SEMA3A: variants seen among roughly 807,000 people sequenced by gnomAD.
SEMA3A encodes the protein semaphorin-3A.
In SEMA3A, 29 loss-of-function variants were observed where a neutral mutation model predicts 97.9. The ratio of observed to expected loss-of-function variants is 0.30; its 90% CI spans 0.22 to 0.40. SEMA3A has a LOEUF of 0.40. Ranked by LOEUF, SEMA3A falls within the 10% of genes least tolerant of loss-of-function variation. The pLI is 1.00. For synonymous variants in SEMA3A, 321 were observed against 323.7 expected (o/e 0.99, Z 0.09); for missense variants, 763 against 951.3 (o/e 0.80, Z 2.60).
intron 2 of SEMA3A, among the ~76,000 whole-genome samples, chr7:84,364,948 A>G (rs539862001): frequency 6.6e-6 from 1 of 151,672 alleles, no homozygotes; most frequent in Non-Finnish European, 1.5e-5. Flanking sequence ...AAATAAAGGT[A>G]CAATTCTTGA....
At chr7:84,113,375 G>A (rs3801649) in intron 3 of SEMA3A, among the ~76,000 whole-genome samples, 73,418 of 151,922 alleles carry the variant, frequency 0.48, 19,045 homozygotes, top group East Asian at 0.69. Flanking sequence ...GTTTTCGAGT[G>A]TTCCAAAACA....
intron 1 of SEMA3A, among the ~76,000 whole-genome samples, chr7:84,469,034 T>C (rs1440720993): frequency 1.3e-5 from 2 of 152,140 alleles, no homozygotes; most frequent in East Asian, 1.9e-4. Flanking sequence ...CCGCTGAGGA[T>C]AGAAAATTGA....
chr7:84,367,937 A>G (rs1333627472), intron 2 of SEMA3A, among the ~76,000 whole-genome samples: 1 of 151,316 alleles, frequency 6.6e-6, no homozygotes, highest in Non-Finnish European at 1.5e-5. Context: ...CTTCTGATGG[A>G]CACATTCAGT....
chr7:84,345,330 C>T (rs1325591035), intron 2 of SEMA3A, among the ~76,000 whole-genome samples: 1 of 152,172 alleles, frequency 6.6e-6, no homozygotes, highest in East Asian at 1.9e-4. Flanking sequence ...TTGATAGCTG[C>T]TGACTCATTA....
At chr7:84,313,594 C>T (rs910396971) in intron 2 of SEMA3A, among the ~76,000 whole-genome samples, 4 of 151,178 alleles carry the variant, frequency 2.6e-5, no homozygotes, top group East Asian at 1.9e-4. Context: ...ACACTATACA[C>T]TTGACTCTAA....
At chr7:84,264,419 T>C (rs1467298336) in intron 3 of SEMA3A, among the ~76,000 whole-genome samples, 1 of 152,220 alleles carries the variant, frequency 6.6e-6, no homozygotes, top group Non-Finnish European at 1.5e-5. Flanking sequence ...GGCAGCAGAA[T>C]AGCCAAGAGT....
At chr7:84,453,437 C>T (rs915301754) in intron 1 of SEMA3A, among the ~76,000 whole-genome samples, 3 of 151,806 alleles carry the variant, frequency 2.0e-5, no homozygotes, top group Admixed American at 1.3e-4. Flanking sequence ...GGGGTTTCAC[C>T]GTGTTAGCCA....
At chr7:84,249,375 C>CTATCTATA (rs1302719863) in intron 3 of SEMA3A, among the ~76,000 whole-genome samples, 1 of 146,384 alleles carries the variant, frequency 6.8e-6, no homozygotes, top group Non-Finnish European at 1.5e-5. Flanking sequence ...TATCATCTAT[C>CTATCTATA]TATCTATCTA....
intron 1 of SEMA3A, among the ~76,000 whole-genome samples, chr7:84,441,275 A>G (rs2116340707): frequency 6.6e-6 from 1 of 152,100 alleles, no homozygotes; most frequent in Middle Eastern, 3.4e-3. Context: ...GTATGCTCAA[A>G]AAACTAAAAG....
intron 2 of SEMA3A, among the ~76,000 whole-genome samples, chr7:84,344,324 G>C (rs1044730685): frequency 4.9e-4 from 74 of 152,064 alleles, no homozygotes; most frequent in Non-Finnish European, 1.3e-4. Flanking sequence ...CACACAAAAT[G>C]GTTGACAGGC....
In SEMA3A at chr7:84,276,410, G is replaced by GAT. The variant is rs1460297818; in HGVS notation, c.-83+30795_-83+30796dup. ...TCATAAAAAACATTGCCTTATAATT[G>GAT]ATATATATATAGCATATGTTTTTCT... On this transcript the variant is annotated intron_variant, in intron 3 of 3. Coordinates refer to the SEMA3A transcript ENST00000424555. 6.6e-5 allele frequency among the ~76,000 whole-genome samples: 10 copies of GAT among 151,684 alleles called. No individual in the cohort carries two copies. The East Asian group carries it at 9.7e-4, about 15-fold the overall frequency.
intron 6 of SEMA3A, among the ~76,000 whole-genome samples, chr7:84,031,232 C>A (rs1046352896): frequency 6.6e-6 from 1 of 151,856 alleles, no homozygotes; most frequent in Non-Finnish European, 1.5e-5. Context: ...ACCTTGTGAT[C>A]CACCTGCCTC....
At chr7:84,377,381 A>G (rs1461799391) in intron 1 of SEMA3A, among the ~76,000 whole-genome samples, 1 of 152,102 alleles carries the variant, frequency 6.6e-6, no homozygotes, top group African/African-American at 2.4e-5. Context: ...ATTACTTACA[A>G]GCTTGCTAAT....
chr7:84,001,380 T>C (rs140542345), intron 12 of SEMA3A, among the ~76,000 whole-genome samples: 1 of 145,148 alleles, frequency 6.9e-6, no homozygotes, highest in African/African-American at 2.5e-5. Flanking sequence ...CCATCTGTGA[T>C]TCAGGATAAA....
intron 4 of SEMA3A, among the ~76,000 whole-genome samples, chr7:84,078,691 T>C (rs1031789029): frequency 1.3e-5 from 2 of 151,984 alleles, no homozygotes; most frequent in African/African-American, 4.8e-5. Context: ...TAAATCTCCA[T>C]AGCTTTTCAC....
chr7:84,171,968 T>C (rs181561808), intron 1 of SEMA3A, among the ~76,000 whole-genome samples: 2 of 152,328 alleles, frequency 1.3e-5, no homozygotes, highest in East Asian at 3.9e-4. Context: ...GTTCAAGTGG[T>C]AGCAGAAGAA....
chr7:84,086,602 A>ACATATAATATATTATTATAT (rs1562770450), intron 4 of SEMA3A, among the ~76,000 whole-genome samples: 16 of 140,514 alleles, frequency 1.1e-4, no homozygotes, highest in East Asian at 2.0e-4. Context: ...TATTATATTT[A>ACATATAATATATTATTATAT]TAATCCTCAC....
At chr7:84,093,583 G>GTA (rs754507538) in intron 4 of SEMA3A, among the ~76,000 whole-genome samples, 1 of 152,176 alleles carries the variant, frequency 6.6e-6, no homozygotes, top group Non-Finnish European at 1.5e-5. Context: ...ATACAATGTA[G>GTA]TATATATATA....
chr7:84,018,790 T>C (rs1430607310), intron 6 of SEMA3A, among the ~76,000 whole-genome samples: 1 of 152,156 alleles, frequency 6.6e-6, no homozygotes, highest in Non-Finnish European at 1.5e-5. Context: ...CAGGAAGTCA[T>C]GTTCAGAAAT....
Sources: gnomAD v4.1 joint callset for allele counts (sites outside exome capture counted in the v4.1 genomes callset) on GRCh38, gnomAD v4.1.1 for gene constraint, MANE v1.5 for transcripts, NCBI Gene and HGNC (gene_info 2026-07-23, HGNC 2026-07-21) for gene names.